The following MAGEL2 variants were observed in gnomAD, a reference collection of about 807,000 sequenced individuals.
The protein encoded by MAGEL2 is MAGE family member L2.
For synonymous variants in MAGEL2, 792 were observed against 721.7 expected (o/e 1.10, Z -1.56); for missense variants, 1,830 against 1,699.2 (o/e 1.08, Z -1.35).
Position 23,643,751 on chromosome 15 carries a change from A to C in MAGEL2, c.*242T>G, listed in dbSNP as rs1890329779. Reference sequence around the variant, plus strand: ...ACCAAAACATAACAATTAAAACACAAAACAGAGAACCACAGATCTCACTTA... The same window carrying C: ...ACCAAAACATAACAATTAAAACACACAACAGAGAACCACAGATCTCACTTA... On this transcript the variant is annotated 3_prime_UTR_variant, in exon 1 of 1. Transcript: ENST00000650528. 2.3e-6 allele frequency: 1 copy of C among 425,862 alleles called. No individual in the cohort carries two copies. The highest frequency in any genetic ancestry group is 3.5e-5 in the East Asian group (1 of 28,448). 26.4% of individuals were successfully genotyped at this position (425,862 alleles called of 1,614,324 possible). A position where few individuals can be genotyped will look rare whatever the true frequency, so the allele number is the denominator to read the frequency against.
Position 23,644,704 on chromosome 15 carries a change from C to T in MAGEL2, c.3039G>A (p.Glu1013=), listed in dbSNP as rs1890354084. The change falls in exon 1 of 1, where the codon GAG becomes GAA. Residue 1013 remains glutamate (E), a synonymous_variant. Transcript: ENST00000650528. ...SSATQDNSKV[E]AQPLSPLDER... ...CATCCAAGGGAGACAAGGGCTGTGC[C>T]TCCACCTTGGAATTATCCTGGGTGG... 3 of 1,613,898 alleles carry T rather than the reference C, an allele frequency of 1.9e-6. No individual in the cohort carries two copies. The highest frequency in any genetic ancestry group is 1.7e-5 in the Admixed American group (1 of 60,024).
Position 23,644,049 on chromosome 15 carries a change from C to T in MAGEL2, c.3694G>A (p.Glu1232Lys), listed in dbSNP as rs751825273. ...TGGGCACTGTCACCGGTGTCAGGTT[C>T]ATCCTCATCTGTGTCTTCCCACTCA... is the stretch of plus-strand genomic sequence containing the variant. ...ECEWEDTDED[E>K]PDTGDSAHGP... The change falls in exon 1 of 1, where the codon GAA becomes AAA. Residue 1232 changes from glutamate to lysine, a missense_variant. Glu to Lys is a moderately conservative substitution (Grantham distance 56). Transcript: ENST00000650528. 1.9e-6 allele frequency: 3 copies of T among 1,613,134 alleles called. No individual in the cohort carries two copies. The highest frequency in any genetic ancestry group is 2.5e-6 in the Non-Finnish European group (3 of 1,179,448).
At position 23,644,672 on chromosome 15, in the gene MAGEL2, G is replaced by A. The variant is rs778412481; in HGVS notation, c.3071C>T (p.Ala1024Val). 3 of 1,613,828 alleles carry A rather than the reference G, an allele frequency of 1.9e-6. No individual in the cohort carries two copies. The highest frequency in any genetic ancestry group is 2.5e-6 in the Non-Finnish European group (3 of 1,179,872). Reference sequence around the variant, plus strand: ...TAAGAGGAACTGCACCAACGCATTTGCCCTCTCATCCAAGGGAGACAAGGG... The same window carrying A: ...TAAGAGGAACTGCACCAACGCATTTACCCTCTCATCCAAGGGAGACAAGGG... Reference protein sequence around the residue: ...AQPLSPLDERANALVQFLLVK... With the variant: ...AQPLSPLDERVNALVQFLLVK... The change falls in exon 1 of 1, where the codon GCA becomes GTA. Residue 1024 changes from alanine to valine, a missense_variant. Coordinates refer to ENST00000650528, the MANE Select transcript of MAGEL2 (RefSeq NM_019066.5).
chr15:23,646,788 T>A lies in MAGEL2; in HGVS notation c.955A>T (p.Met319Leu). The change falls in exon 1 of 1, where the codon ATG becomes TTG. Residue 319 changes from methionine to leucine, a missense_variant. Met to Leu is a conservative substitution (Grantham distance 15). Coordinates refer to ENST00000650528, the MANE Select transcript of MAGEL2 (RefSeq NM_019066.5). This position sits in a 1 kb window ranked among gnomAD's most constrained non-coding sequence, Gnocchi z 4.2. ...GCCATCGGCTGTGCAGGTGGGGCCA[T>A]CGGCTGTGCAGGTGGGGCCGCCGGC... is the stretch of plus-strand genomic sequence containing the variant. ...AQPAAPPAQP[M>L]APPAQPMASW... 3.9e-6 allele frequency: 6 copies of A among 1,534,508 alleles called. No homozygotes were observed. Among genetic ancestry groups the A allele is most frequent in the Non-Finnish European group, 5.2e-6 (6 of 1,146,504 alleles).
rs1890411642 is a variant in MAGEL2, at chr15:23,646,601, C to A, written c.1142G>T (p.Gly381Val). The part of the protein sequence containing the change: ...TSPGWQATQQ[G>V]WQATPLTWQT... ...CCAAGTCAGGGGAGTGGCCTGCCAG[C>A]CTTGCTGCGTGGCCTGCCATCCTGG... The change falls in exon 1 of 1, where the codon GGC becomes GTC. Residue 381 changes from glycine to valine, a missense_variant. Coordinates refer to ENST00000650528, the MANE Select transcript of MAGEL2 (RefSeq NM_019066.5). The surrounding 1 kb of genome is among the most constrained non-coding windows in gnomAD (Gnocchi z 4.2). 6.8e-7 allele frequency: 1 copy of A among 1,472,456 alleles called. No individual in the cohort carries two copies. Among genetic ancestry groups the A allele is most frequent in the Non-Finnish European group, 9.0e-7 (1 of 1,115,984 alleles). 91.2% of individuals were successfully genotyped at this position (1,472,456 alleles called of 1,614,324 possible). A position where few individuals can be genotyped will look rare whatever the true frequency, so the allele number is the denominator to read the frequency against.
rs1331602328 is a variant in MAGEL2, at chr15:23,645,076, C to T, written c.2667G>A (p.Lys889=). 1 of 1,613,814 alleles carries T rather than the reference C, an allele frequency of 6.2e-7. No homozygotes were observed. Among genetic ancestry groups the T allele is most frequent in the African/African-American group, 1.3e-5 (1 of 74,954 alleles). ...PRRSGKATRK[K]KHLEAQEDSR... is the part of the protein sequence containing the mutation. ...TGTCCTCTTGGGCTTCCAGATGCTT[C>T]TTCTTCCGGGTGGCCTTGCCGGAGC... The change falls in exon 1 of 1, where the codon AAG becomes AAA. Residue 889 remains lysine (K), a synonymous_variant. Transcript: ENST00000650528.
At position 23,643,951 on chromosome 15, in the gene MAGEL2, T is replaced by A; in HGVS notation, c.*42A>T. On this transcript the variant is annotated 3_prime_UTR_variant, in exon 1 of 1. Transcript: ENST00000650528. Reference sequence around the variant, plus strand: ...ATGTCCCCCCACCCTGTCAGTGGCCTCTGGCCAGGGAAACACAGGAGCGAG... The same window carrying A: ...ATGTCCCCCCACCCTGTCAGTGGCCACTGGCCAGGGAAACACAGGAGCGAG... 8 of 1,503,594 alleles carry A rather than the reference T, an allele frequency of 5.3e-6. No individual in the cohort carries two copies. The highest frequency in any genetic ancestry group is 7.1e-6 in the Non-Finnish European group (8 of 1,126,718). 93.1% of individuals were successfully genotyped at this position (1,503,594 alleles called of 1,614,324 possible). A position where few individuals can be genotyped will look rare whatever the true frequency, so the allele number is the denominator to read the frequency against.
Position 23,647,637 on chromosome 15 carries a change from A to C in MAGEL2, c.106T>G (p.Ser36Ala), listed in dbSNP as rs1890449183. 1.3e-6 allele frequency: 2 copies of C among 1,536,730 alleles called. No homozygotes were observed. Among genetic ancestry groups the C allele is most frequent in the Admixed American group, 3.9e-5 (2 of 50,914 alleles). The change falls in exon 1 of 1, where the codon TCC becomes GCC. Residue 36 changes from serine (S) to alanine (A), a missense_variant. By Grantham distance (99) the Ser-to-Ala change is moderately conservative. Coordinates refer to ENST00000650528, the MANE Select transcript of MAGEL2 (RefSeq NM_019066.5). ...CAAGGGACTGGCGGAGCCCGGGAGG[A>C]AGCGGGCGGGGCCCGCATCAGAACC... ...PTVLMRAPPASSRAPPVPWDP... is the reference protein window; with the variant it reads ...PTVLMRAPPAASRAPPVPWDP...
Position 23,646,161 on chromosome 15 carries a change from G to T in MAGEL2, c.1582C>A (p.Gln528Lys), listed in dbSNP as rs969916796. ...ACCTGCGGGGCCGGCAGCCTAGCCT[G>T]CGGGGCCTGCCGCAGTGGAGGTGGG... ...PPPPPLRQAP[Q>K]ARLPAPQVQA... Residue 528 changes from glutamine to lysine, a missense_variant, in exon 1 of 1, where the codon CAG becomes AAG. Gln to Lys is a moderately conservative substitution (Grantham distance 53). Coordinates refer to ENST00000650528, the MANE Select transcript of MAGEL2 (RefSeq NM_019066.5). The surrounding 1 kb of genome is among the most constrained non-coding windows in gnomAD (Gnocchi z 4.2). 2 of 1,341,922 alleles carry T rather than the reference G, an allele frequency of 1.5e-6. No individual in the cohort carries two copies. The highest frequency in any genetic ancestry group is 2.0e-5 in the South Asian group (1 of 50,598). The allele number at this position is 1,341,922 out of a possible 1,614,324, so 83.1% of individuals were successfully genotyped here. A position where few individuals can be genotyped will look rare whatever the true frequency, so the allele number is the denominator to read the frequency against.
Position 23,647,402 on chromosome 15 carries a change from G to C in MAGEL2, c.341C>G (p.Pro114Arg). 6.5e-7 allele frequency: 1 copy of C among 1,536,704 alleles called. No individual in the cohort carries two copies. Among genetic ancestry groups the C allele is most frequent in the Non-Finnish European group, 8.7e-7 (1 of 1,146,850 alleles). The change falls in exon 1 of 1, where the codon CCT (proline) becomes CGT (arginine). Residue 114 changes from proline to arginine, a missense_variant. Transcript: ENST00000650528. ...TPGVLMVHPP[P>R]PGAPMAQPPT... ...AGGCTGGGCCATCGGGGCTCCCGGA[G>C]GTGGAGGATGCACCATCAGGACCCC...
rs1302930808 is a variant in MAGEL2, at chr15:23,647,220, G to A, written c.523C>T (p.Pro175Ser). The A allele has an allele frequency of 5.9e-6, 9 of 1,522,870 alleles. No individual in the cohort carries two copies. The highest frequency in any genetic ancestry group is 7.9e-6 in the Non-Finnish European group (9 of 1,139,342). 94.3% of individuals were successfully genotyped at this position (1,522,870 alleles called of 1,614,324 possible). ...GGAGGATGCACCATCGGGGTCCCCG[G>A]AGGAGGAGGATGGGCCATCGGGGTC... is the stretch of plus-strand genomic sequence containing the variant. ...PGTPMAHPPP[P>S]GTPMVHPPPP... Residue 175 changes from proline to serine, a missense_variant, in exon 1 of 1, where the codon CCG becomes TCG. By Grantham distance (74) the Pro-to-Ser change is moderately conservative. Transcript: ENST00000650528.
Position 23,645,522 on chromosome 15 carries a change from CCTTCGAGGAGGTCCTGCG to C in MAGEL2, c.2203_2220del (p.Arg735_Lys740del). On this transcript the variant is annotated inframe_deletion, in exon 1 of 1. Transcript: ENST00000650528. The stretch of plus-strand genomic sequence containing the variant: ...CGGTCTTTTGAAGGGGCCCTGCGCT[CCTTCGAGGAGGTCCTGCG>C]CTCTTTAGAGGAGCCCCTGCGGTCT... 1 of 1,613,830 alleles carries C rather than the reference CCTTCGAGGAGGTCCTGCG, an allele frequency of 6.2e-7. No homozygotes were observed. Among genetic ancestry groups the C allele is most frequent in the South Asian group, 1.1e-5 (1 of 91,058 alleles).
chr15:23,646,471 G>T lies in MAGEL2; in HGVS notation c.1272C>A (p.Arg424=). 2.1e-6 allele frequency: 3 copies of T among 1,439,456 alleles called. No homozygotes were observed. Among genetic ancestry groups the T allele is most frequent in the Non-Finnish European group, 2.7e-6 (3 of 1,104,188 alleles). 89.2% of individuals were successfully genotyped at this position (1,439,456 alleles called of 1,614,324 possible). A position where few individuals can be genotyped will look rare whatever the true frequency, so the allele number is the denominator to read the frequency against. ...PPIRPGPPPI[R]PGPPPVRQAP... is the part of the protein sequence containing the mutation. ...CCTGTCGCACCGGTGGTGGGCCAGG[G>T]CGGATGGGTGGTGGGCCAGGGCGGA... The change falls in exon 1 of 1, where the codon CGC becomes CGA. Residue 424 remains arginine, a synonymous_variant. Coordinates refer to ENST00000650528, the MANE Select transcript of MAGEL2 (RefSeq NM_019066.5). This position sits in a 1 kb window ranked among gnomAD's most constrained non-coding sequence, Gnocchi z 4.2.
At position 23,645,783 on chromosome 15, in the gene MAGEL2, G is replaced by A; in HGVS notation, c.1960C>T (p.Pro654Ser). The change falls in exon 1 of 1, where the codon CCC (proline) becomes TCC (serine). Residue 654 changes from proline (P) to serine (S), a missense_variant. Transcript: ENST00000650528. Reference protein sequence around the residue: ...QLEQPFQGAPPSQKAVQIQLP... With the variant: ...QLEQPFQGAPSSQKAVQIQLP... ...TGGATTTGCACGGCTTTTTGGGAGGGCGGGGCTCCCTGAAAGGGCTGCTCC... is the reference window on the plus strand; with the variant it reads ...TGGATTTGCACGGCTTTTTGGGAGGACGGGGCTCCCTGAAAGGGCTGCTCC... 1 of 1,589,658 alleles carries A rather than the reference G, an allele frequency of 6.3e-7. No individual in the cohort carries two copies. Among genetic ancestry groups the A allele is most frequent in the Non-Finnish European group, 8.6e-7 (1 of 1,169,518 alleles).
At position 23,646,377 on chromosome 15, in the gene MAGEL2, G is replaced by A; in HGVS notation, c.1366C>T (p.Pro456Ser). 1.4e-6 allele frequency: 2 copies of A among 1,387,058 alleles called. No individual in the cohort carries two copies. The highest frequency in any genetic ancestry group is 1.5e-5 in the African/African-American group (1 of 65,048). The allele number at this position is 1,387,058 out of a possible 1,614,324, so 85.9% of individuals were successfully genotyped here. ...QAPPVIRQAP[P>S]VIRQAPAVIR... ...ACAGCGGGGGCCTGGCGGATCACGG[G>A]TGGGGCCTGGCGGATCACGGGTGGG... Residue 456 changes from proline to serine, a missense_variant, in exon 1 of 1, where the codon CCC (proline) becomes TCC (serine). Coordinates refer to ENST00000650528, the MANE Select transcript of MAGEL2 (RefSeq NM_019066.5). The surrounding 1 kb of genome is among the most constrained non-coding windows in gnomAD (Gnocchi z 4.2).
rs1215451288 is a variant in MAGEL2, at chr15:23,645,895, G to T, written c.1848C>A (p.Ala616=). ...GAGTGGGGGCCTTCTGGGCCTGCCA[G>T]GCCAGCGCCTGTGTCTGCTGCACCT... ...FQEVQQTQAL[A]WQAQKAPTHI... is the part of the protein sequence containing the mutation. The change falls in exon 1 of 1, where the codon GCC becomes GCA. Residue 616 remains alanine (A), a synonymous_variant. Transcript: ENST00000650528. 6.4e-7 allele frequency: 1 copy of T among 1,574,456 alleles called. No homozygotes were observed. Among genetic ancestry groups the T allele is most frequent in the Admixed American group, 1.8e-5 (1 of 54,054 alleles).
At position 23,646,593 on chromosome 15, in the gene MAGEL2, C is replaced by T. The variant is rs746342233; in HGVS notation, c.1150G>A (p.Ala384Thr). Residue 384 changes from alanine (A) to threonine (T), a missense_variant, in exon 1 of 1, where the codon GCC (alanine) becomes ACC (threonine). Transcript: ENST00000650528. The surrounding 1 kb of genome is among the most constrained non-coding windows in gnomAD (Gnocchi z 4.2). ...GTGGTCTGCCAAGTCAGGGGAGTGG[C>T]CTGCCAGCCTTGCTGCGTGGCCTGC... ...GWQATQQGWQ[A>T]TPLTWQTTQV... The T allele has an allele frequency of 6.8e-6, 10 of 1,470,888 alleles. No individual in the cohort carries two copies. 91.1% of individuals were successfully genotyped at this position (1,470,888 alleles called of 1,614,324 possible). A position where few individuals can be genotyped will look rare whatever the true frequency, so the allele number is the denominator to read the frequency against.
In MAGEL2 at chr15:23,647,785, G is replaced by C; in HGVS notation, c.-43C>G. On this transcript the variant is annotated 5_prime_UTR_variant, in exon 1 of 1. Coordinates refer to ENST00000650528, the MANE Select transcript of MAGEL2 (RefSeq NM_019066.5). ...TGGTGGGTCTTTTCCTCGGACAGCT[G>C]CTGGGCCTTTTCCTCCAGAGAGAAG... is the stretch of plus-strand genomic sequence containing the variant. The C allele has an allele frequency of 2.1e-6, 3 of 1,431,714 alleles. No individual in the cohort carries two copies. Among genetic ancestry groups the C allele is most frequent in the Non-Finnish European group, 2.7e-6 (3 of 1,098,176 alleles). 88.7% of individuals were successfully genotyped at this position (1,431,714 alleles called of 1,614,324 possible).
In MAGEL2 at chr15:23,647,090, G is replaced by C. The variant is rs780666545; in HGVS notation, c.653C>G (p.Pro218Arg). 3.9e-6 allele frequency: 6 copies of C among 1,533,194 alleles called. No homozygotes were observed. In the African/African-American group the frequency reaches 6.9e-5, roughly 18 times the overall value. The allele number at this position is 1,533,194 out of a possible 1,614,324, so 95.0% of individuals were successfully genotyped here. A position where few individuals can be genotyped will look rare whatever the true frequency, so the allele number is the denominator to read the frequency against. The change falls in exon 1 of 1, where the codon CCG (proline) becomes CGG (arginine). Residue 218 changes from proline to arginine, a missense_variant. Transcript: ENST00000650528. ...ACCCGGAGGGGGAGGATGAGCCATC[G>C]GTGTCCCCGGAGGTGGAGGATGAGC... ...PMAHPPPPGT[P>R]MAHPPPPGTP...
Sources: allele counts gnomAD v4.1 joint callset, GRCh38; gene constraint gnomAD v4.1.1; non-coding constraint Gnocchi (gnomAD v3.1); transcripts MANE v1.5; gene names NCBI Gene and HGNC (gene_info 2026-07-23, HGNC 2026-07-21).